TTN: variants seen among roughly 807,000 people sequenced by gnomAD.
The protein encoded by TTN is connectin.
TTN carries 1,525 observed loss-of-function variants against 3,223.0 expected under a neutral mutation model. The observed-to-expected ratio is 0.47, with a 90% CI of 0.45 to 0.49. TTN has a LOEUF of 0.49. TTN is among the 20% of genes least tolerant of loss of function. The pLI is 0.00. For synonymous variants in TTN, 14,094 were observed against 15,161.0 expected, an observed-to-expected ratio of 0.93 and a Z score of 5.17; for missense variants, 40,786 against 43,424.0, an observed-to-expected ratio of 0.94 and a Z score of 5.40.
Position 178,665,802 on chromosome 2 carries a change from A to G in TTN, c.35876-11T>C. On this transcript the variant is annotated splice_polypyrimidine_tract_variant and intron_variant, in intron 163 of 362. Transcript: ENST00000589042. Reference sequence around the variant, plus strand: ...GAGGTGATTCAGGCACTTTAAAGATATGAATGCATTGTACTTTGGAGTTAT... The same window carrying G: ...GAGGTGATTCAGGCACTTTAAAGATGTGAATGCATTGTACTTTGGAGTTAT... 1 of 1,260,412 alleles carries G rather than the reference A, an allele frequency of 7.9e-7. No homozygotes were observed. Among genetic ancestry groups the G allele is most frequent in the Non-Finnish European group, 1.0e-6 (1 of 997,946 alleles). 78.1% of individuals were successfully genotyped at this position (1,260,412 alleles called of 1,614,324 possible).
In TTN at chr2:178,764,823, TG is replaced by T. The variant is rs1272380595; in HGVS notation, c.9704-13del. ...GGGCGGTTCAGGAGCTAGGAGTAAATGTTGACAAATAGCCCATGAAAAAGTG... is the reference window on the plus strand; with the variant it reads ...GGGCGGTTCAGGAGCTAGGAGTAAATTTGACAAATAGCCCATGAAAAAGTG... On this transcript the variant is annotated splice_polypyrimidine_tract_variant and intron_variant, in intron 41 of 362. Coordinates refer to ENST00000589042, the MANE Select transcript of TTN (RefSeq NM_001267550.2). 1 of 1,612,172 alleles carries T rather than the reference TG, an allele frequency of 6.2e-7. No individual in the cohort carries two copies. Among genetic ancestry groups the T allele is most frequent in the East Asian group, 2.2e-5 (1 of 44,844 alleles).
At chr2:178,602,205 T>C in intron 283 of TTN, 55 bp from the exon 284 acceptor site, 1 of 1,593,096 alleles carries the variant, frequency 6.3e-7, no homozygotes, top group Non-Finnish European at 8.5e-7. Flanking sequence ...CAAAAGTAAT[T>C]GAAATATCTT....
chr2:178,731,119 G>A lies in TTN; in HGVS notation c.17546C>T (p.Thr5849Ile). The A allele has an allele frequency of 6.2e-7, 1 of 1,613,616 alleles. No homozygotes were observed. The highest frequency in any genetic ancestry group is 1.1e-5 in the South Asian group (1 of 91,076). The change falls in exon 60 of 363, where the codon ACT (threonine) becomes ATT (isoleucine). Residue 5849 changes from threonine to isoleucine, a missense_variant. By Grantham distance (89) the Thr-to-Ile change is moderately conservative. Coordinates refer to ENST00000589042, the MANE Select transcript of TTN (RefSeq NM_001267550.2). ...PATLQVKFSG[T>I]KEITAKWFKD... Reference sequence around the variant, plus strand: ...AAACCATTTGGCTGTAATCTCCTTAGTCCCTGAAAATTTAACCTGCAAAGT... The same window carrying A: ...AAACCATTTGGCTGTAATCTCCTTAATCCCTGAAAATTTAACCTGCAAAGT...
chr2:178,570,495 C>T lies in TTN; in HGVS notation c.75637G>A (p.Val25213Ile), dbSNP rs72646901. 2 of 1,613,182 alleles carry T rather than the reference C, an allele frequency of 1.2e-6. No individual in the cohort carries two copies. Among genetic ancestry groups the T allele is most frequent in the Non-Finnish European group, 1.7e-6 (2 of 1,179,594 alleles). ...TTTTCTGCTGTAACTCCTGAGATAA[C>T]AACAGGTCCTTCAGGTGGCCCTGGT... ...DRPGPPEGPV[V>I]ISGVTAEKCT... The change falls in exon 326 of 363, where the codon GTT (valine) becomes ATT (isoleucine). Residue 25213 changes from valine to isoleucine, a missense_variant. By Grantham distance (29) the Val-to-Ile change is conservative (BLOSUM62 3). Transcript: ENST00000589042.
chr2:178,558,469 G>A lies in TTN; in HGVS notation c.86990C>T (p.Ser28997Leu), dbSNP rs751293680. ...KNWVKCAVAK[S>L]THHVVSGLRE... Reference sequence around the variant, plus strand: ...CAGACCGGAAACAACGTGATGGGTTGACTTTGCCACTGCACATTTAACCCA... The same window carrying A: ...CAGACCGGAAACAACGTGATGGGTTAACTTTGCCACTGCACATTTAACCCA... Residue 28997 changes from serine to leucine, a missense_variant, in exon 327 of 363, where the codon TCA becomes TTA. By Grantham distance (145) the Ser-to-Leu change is moderately radical. Transcript: ENST00000589042. The A allele has an allele frequency of 1.9e-6, 3 of 1,613,698 alleles. No homozygotes were observed. Among genetic ancestry groups the A allele is most frequent in the African/African-American group, 1.3e-5 (1 of 74,912 alleles).
chr2:178,727,183 T>G lies in TTN; in HGVS notation c.20182A>C (p.Asn6728His), dbSNP rs969621252. 4.3e-6 allele frequency: 7 copies of G among 1,613,290 alleles called. No individual in the cohort carries two copies. Among genetic ancestry groups the G allele is most frequent in the Non-Finnish European group, 5.1e-6 (6 of 1,179,452 alleles). Residue 6728 changes from asparagine to histidine, a missense_variant, in exon 69 of 363, where the codon AAC becomes CAC. Transcript: ENST00000589042. ...CCACTGTCCTCAGTACTGAGATTGT[T>G]CATCTGTATGACGGCCACTGAGTCA... ...FIDSVAVIQM[N>H]NLSTEDSGDF... is the part of the protein sequence containing the mutation.
intron 45 of TTN, among the ~76,000 whole-genome samples, chr2:178,757,178 A>AAGTACAGTAATTAATACTGTACTTG (rs1561093680): frequency 2.2e-5 from 2 of 90,554 alleles, no homozygotes; most frequent in Non-Finnish European, 4.6e-5. Flanking sequence ...TACTGTACTT[A>AAGTACAGTAATTAATACTGTACTTG]CTTTAAGTAC....
Position 178,563,548 on chromosome 2 carries a change from C to G in TTN, c.82584G>C (p.Arg27528=). 6.2e-7 allele frequency: 1 copy of G among 1,613,802 alleles called. No individual in the cohort carries two copies. The highest frequency in any genetic ancestry group is 8.5e-7 in the Non-Finnish European group (1 of 1,179,756). Residue 27528 remains arginine (R), a synonymous_variant, in exon 326 of 363, where the codon CGG becomes CGC. Coordinates refer to ENST00000589042, the MANE Select transcript of TTN (RefSeq NM_001267550.2). This position sits in a 1 kb window ranked among gnomAD's most constrained non-coding sequence, Gnocchi z 4.5. ...CTTCGGTAAGACCAGTTACCCTGAG[C>G]CGCAGATCCGTTAATGTTTTCTTGT... ...KCNKKTLTDL[R]LRVTGLTEGH...
rs76997584 is a variant in TTN, at chr2:178,769,089, A to G, written c.8903-156T>C. 5.3e-5 allele frequency among the ~76,000 whole-genome samples: 8 copies of G among 152,106 alleles called. No homozygotes were observed. The East Asian group carries it at 1.5e-3, about 29-fold the overall frequency. ...AGCTTTGATACCTTCCATGTACTAT[A>G]CAGGACAGTGCCAACTCACAGAGGA... On this transcript the variant is annotated intron_variant, in intron 37 of 362. Coordinates refer to ENST00000589042, the MANE Select transcript of TTN (RefSeq NM_001267550.2).
chr2:178,804,407 C>T, intron 2 of TTN, 145 bp downstream of exon 2: 1 of 736,876 alleles, frequency 1.4e-6, no homozygotes, highest in East Asian at 2.7e-5. Context: ...AATGGTATAC[C>T]CTTAAAATGA....
In TTN at chr2:178,793,438, G is replaced by A; in HGVS notation, c.1502C>T (p.Thr501Ile). Residue 501 changes from threonine (T) to isoleucine (I), a missense_variant, in exon 9 of 363, where the codon ACA (threonine) becomes ATA (isoleucine). Thr to Ile is a moderately conservative substitution (Grantham distance 89). Transcript: ENST00000589042. ...LKSRTKEVIT[T>I]KQEQMHVTHE... ...AGTTACGTGCATCTGCTCTTGCTTT[G>A]TGGTAATTACTTCTTTGGTTCTTGA... 3 of 1,614,098 alleles carry A rather than the reference G, an allele frequency of 1.9e-6. No individual in the cohort carries two copies. Among genetic ancestry groups the A allele is most frequent in the Non-Finnish European group, 2.5e-6 (3 of 1,179,992 alleles).
intron 270 of TTN, among the ~76,000 whole-genome samples, chr2:178,610,643 T>C (rs1278260364): frequency 6.6e-6 from 1 of 151,918 alleles, no homozygotes; most frequent in Non-Finnish European, 1.5e-5. Flanking sequence ...CTGGGGGGAA[T>C]GCAGAAAATG....
At chr2:178,652,591 GA>G (rs2063238063) in intron 201 of TTN, 50 bp from the exon 202 acceptor site, 5 of 1,609,624 alleles carry the variant, frequency 3.1e-6, no homozygotes, top group Non-Finnish European at 4.2e-6. Context: ...AGACCATTAG[GA>G]AAAATATTTT....
rs1706381393 is a variant in TTN at position 178,567,604 on chromosome 2, A to G, written c.78528T>C (p.Ser26176=). Residue 26176 remains serine (S), a synonymous_variant, in exon 326 of 363, where the codon TCT becomes TCC. Transcript: ENST00000589042. ...TGGCAGTTATTGGTCCAGTACTGTC[A>G]GAGGGTTTACTTATTGCACCAGCTG... ...KNAAGAISKP[S]DSTGPITAKD... is the part of the protein sequence containing the mutation. 1 of 1,611,738 alleles carries G rather than the reference A, an allele frequency of 6.2e-7. No individual in the cohort carries two copies. The highest frequency in any genetic ancestry group is 8.5e-7 in the Non-Finnish European group (1 of 1,178,598).
At position 178,557,237 on chromosome 2, in the gene TTN, C is replaced by T. The variant is rs1230330902; in HGVS notation, c.88009+16G>A. ...TTTTTGTTATCAGAACTGCCCTTCC[C>T]ATGACAAATACGTACCACAAGCATC... On this transcript the variant is annotated intron_variant, in intron 329 of 362. Coordinates refer to ENST00000589042, the MANE Select transcript of TTN (RefSeq NM_001267550.2). 2 of 1,613,720 alleles carry T rather than the reference C, an allele frequency of 1.2e-6. No individual in the cohort carries two copies. The highest frequency in any genetic ancestry group is 2.2e-5 in the South Asian group (2 of 91,054).
intron 114 of TTN, 71 bp downstream of exon 114, chr2:178,695,794 A>G: frequency 8.4e-7 from 1 of 1,196,818 alleles, no homozygotes. Context: ...TCAGGTTCAT[A>G]GCATTGAAAA....
chr2:178,580,420 C>T lies in TTN; in HGVS notation c.66959G>A (p.Arg22320His), dbSNP rs771424865. 2.7e-5 allele frequency: 44 copies of T among 1,613,062 alleles called. No homozygotes were observed. Among genetic ancestry groups the T allele is most frequent in the Middle Eastern group, 1.6e-4 (1 of 6,074 alleles). Residue 22320 changes from arginine to histidine, a missense_variant, in exon 317 of 363, where the codon CGC (arginine) becomes CAC (histidine). By Grantham distance (29) the Arg-to-His change is conservative (BLOSUM62 0). Coordinates refer to ENST00000589042, the MANE Select transcript of TTN (RefSeq NM_001267550.2). ...ATCATATTTGTTCACATTTTCACAG[C>T]GCAAGAAAGTGTCAAAGTCAGTTGA... ...IKSTDFDTFL[R>H]CENVNKYDAG...
Position 178,597,406 on chromosome 2 carries a change from A to G in TTN, c.57544+132T>C, listed in dbSNP as rs140673510. 1,075 of 1,082,782 alleles carry G rather than the reference A, an allele frequency of 9.9e-4. 4 individuals carry two copies. The African/African-American group carries it at 0.016, about 16-fold the overall frequency. 67.1% of individuals were successfully genotyped at this position (1,082,782 alleles called of 1,614,324 possible). ...GAGGAAATTTTTAAAAATTCTAATAATGTTCAACATGATTATGGGTGATTT... is the reference window on the plus strand; with the variant it reads ...GAGGAAATTTTTAAAAATTCTAATAGTGTTCAACATGATTATGGGTGATTT... On this transcript the variant is annotated intron_variant, in intron 294 of 362. Transcript: ENST00000589042.
rs368200299 is a variant in TTN, at chr2:178,620,285, G to A, written c.46236C>T (p.Cys15412=). ...CATTGGCTTTCTCTCTGGAGAGCTG[G>A]CAGGAGAAGACAGCGTCATCGAACT... ...VTEFDDAVFS[C]QLSREKANVK... The change falls in exon 248 of 363, where the codon TGC becomes TGT. Residue 15412 remains cysteine (C), a synonymous_variant. Coordinates refer to ENST00000589042, the MANE Select transcript of TTN (RefSeq NM_001267550.2). The A allele has an allele frequency of 1.3e-6, 2 of 1,551,718 alleles. No individual in the cohort carries two copies. Among genetic ancestry groups the A allele is most frequent in the South Asian group, 1.3e-5 (1 of 79,084 alleles).
Sources: allele counts gnomAD v4.1 joint callset (sites outside exome capture counted in the v4.1 genomes callset), GRCh38; gene constraint gnomAD v4.1.1; non-coding constraint Gnocchi (gnomAD v3.1); transcripts MANE v1.5; gene names NCBI Gene and HGNC (gene_info 2026-07-23, HGNC 2026-07-21).